Variants in NKAIN3 observed in about 807,000 individuals in gnomAD.
NKAIN3 encodes the protein sodium/potassium-transporting ATPase subunit beta-1-interacting protein 3.
A neutral mutation model predicts 30.2 loss-of-function variants in NKAIN3; 25 were observed. The ratio of observed to expected loss-of-function variants is 0.83; its 90% CI spans 0.60 to 1.16. The LOEUF (loss-of-function observed/expected upper bound fraction) is 1.16. Among genes scored for constraint, NKAIN3 ranks in the 50% most tolerant of loss-of-function variants. The pLI, the probability that NKAIN3 is intolerant of heterozygous loss-of-function variation, is 0.00. For missense variants in NKAIN3, 225 were observed against 254.1 expected, an observed-to-expected ratio of 0.89 and a Z score of 0.78; for synonymous variants, 91 against 89.6, an observed-to-expected ratio of 1.02 and a Z score of -0.09.
At chr8:62,883,457 GTT>G (rs71559381) in intron 4 of NKAIN3, among the ~76,000 whole-genome samples, 5 of 70,232 alleles carry the variant, frequency 7.1e-5, no homozygotes, top group Admixed American at 1.9e-4. Flanking sequence ...AGTTTTATGG[GTT>G]TTTTTTTTTT....
intron 5 of NKAIN3, among the ~76,000 whole-genome samples, chr8:62,940,386 T>C (rs1822918509): frequency 6.6e-6 from 1 of 151,954 alleles, no homozygotes; most frequent in African/African-American, 2.4e-5. Context: ...AAAGAAACAA[T>C]GAACTTAAAC....
intron 3 of NKAIN3, among the ~76,000 whole-genome samples, chr8:62,710,924 G>C (rs1037824360): frequency 1.3e-5 from 2 of 152,118 alleles, no homozygotes; most frequent in Admixed American, 6.5e-5. Context: ...TCTTGTAGTG[G>C]TGGCTTGGTA....
intron 6 of NKAIN3, among the ~76,000 whole-genome samples, chr8:62,962,684 G>T (rs1009581289): frequency 1.3e-5 from 2 of 152,104 alleles, no homozygotes; most frequent in African/African-American, 4.8e-5. Flanking sequence ...GGCAAGTGTC[G>T]ACTGGTTAAG....
chr8:62,448,370 C>T (rs1805546339), intron 1 of NKAIN3, among the ~76,000 whole-genome samples: 1 of 150,460 alleles, frequency 6.6e-6, no homozygotes, highest in African/African-American at 2.4e-5. Flanking sequence ...TTTTAGATTT[C>T]AGATATGTAG....
intron 3 of NKAIN3, among the ~76,000 whole-genome samples, chr8:62,691,053 A>T (rs1374544645): frequency 6.6e-6 from 1 of 152,168 alleles, no homozygotes; most frequent in Non-Finnish European, 1.5e-5. Flanking sequence ...CACGGGATCA[A>T]GTTGTCCGAC....
intron 1 of NKAIN3, among the ~76,000 whole-genome samples, chr8:62,450,879 A>G (rs1192521895): frequency 1.3e-5 from 2 of 152,178 alleles, no homozygotes; most frequent in East Asian, 3.9e-4. Context: ...AACACACTTC[A>G]CTATAAGCTT....
rs182980717 is a variant in NKAIN3, at chr8:62,649,420, T to A, written c.273+59626T>A. ...GGCCAATGGGACTTCATGCCAGGGA[T>A]TGTGCTGGAACAATTGGTAAAGAAC... is the stretch of plus-strand genomic sequence containing the variant. On this transcript the variant is annotated intron_variant, in intron 3 of 6. Coordinates refer to ENST00000623646, the MANE Select transcript of NKAIN3 (RefSeq NM_001304533.3). 7.5e-3 allele frequency among the ~76,000 whole-genome samples: 1,148 copies of A among 152,272 alleles called. 23 individuals carry two copies. Among genetic ancestry groups the A allele is most frequent in the African/African-American group, 0.026 (1,101 of 41,560 alleles).
intron 1 of NKAIN3, among the ~76,000 whole-genome samples, chr8:62,570,188 T>C (rs763954700): frequency 3.3e-5 from 5 of 152,182 alleles, no homozygotes; most frequent in Non-Finnish European, 5.9e-5. Flanking sequence ...CCTTCTTTCT[T>C]AGCTCTTCTT....
intron 3 of NKAIN3, among the ~76,000 whole-genome samples, chr8:62,652,999 T>G (rs1399307121): frequency 6.6e-6 from 1 of 152,146 alleles, no homozygotes; most frequent in Non-Finnish European, 1.5e-5. Flanking sequence ...TTGGGCACAT[T>G]GAACCAAATT....
intron 4 of NKAIN3, among the ~76,000 whole-genome samples, chr8:62,832,809 T>C (rs572294223): frequency 5.3e-5 from 8 of 152,134 alleles, no homozygotes; most frequent in African/African-American, 1.7e-4. Flanking sequence ...GCAAAGATAT[T>C]CTGGACTTAA....
chr8:62,883,062 T>A (rs1368312668), intron 4 of NKAIN3, among the ~76,000 whole-genome samples: 2 of 152,228 alleles, frequency 1.3e-5, no homozygotes, highest in African/African-American at 4.8e-5. Flanking sequence ...GCTCTCCATA[T>A]AAACTGTAGA....
intron 5 of NKAIN3, among the ~76,000 whole-genome samples, chr8:62,997,463 G>A (rs147714710): frequency 2.0e-5 from 3 of 152,184 alleles, no homozygotes; most frequent in Admixed American, 6.6e-5. Flanking sequence ...AATACACAAG[G>A]CACTTAAATA....
intron 4 of NKAIN3, chr8:62,856,814 C>T (rs768045915): frequency 3.2e-5 from 20 of 619,516 alleles, no homozygotes; most frequent in Non-Finnish European, 5.7e-5. Context: ...TTGTCTTTCT[C>T]TGCACTATAG....
At chr8:62,756,850 T>C (rs1404014516) in intron 4 of NKAIN3, among the ~76,000 whole-genome samples, 1 of 152,188 alleles carries the variant, frequency 6.6e-6, no homozygotes, top group African/African-American at 2.4e-5. Context: ...TTTTATGCCA[T>C]CGCTAAACAA....
chr8:62,374,113 CAAAAAAA>C (rs66521184), intron 1 of NKAIN3, among the ~76,000 whole-genome samples: 8 of 64,330 alleles, frequency 1.2e-4, no homozygotes, highest in Non-Finnish European at 2.1e-4. Flanking sequence ...ACTCCATCTC[CAAAAAAA>C]AAAAAAAAAA....
chr8:62,748,708 T>C (rs1485538310), intron 4 of NKAIN3, among the ~76,000 whole-genome samples: 1 of 152,242 alleles, frequency 6.6e-6, no homozygotes, highest in Non-Finnish European at 1.5e-5. Context: ...CAAAGATCTT[T>C]TAGAGTTCTA....
chr8:62,277,048 G>A (rs1408667120), intron 1 of NKAIN3, among the ~76,000 whole-genome samples: 2 of 151,874 alleles, frequency 1.3e-5, no homozygotes, highest in African/African-American at 2.4e-5. Context: ...AAATTTTATT[G>A]ATCACTGGGT....
At chr8:62,618,971 G>A (rs1811544265) in intron 3 of NKAIN3, among the ~76,000 whole-genome samples, 1 of 152,074 alleles carries the variant, frequency 6.6e-6, no homozygotes, top group Non-Finnish European at 1.5e-5. Context: ...AAGAGAAAGA[G>A]AAGAGATACC....
chr8:62,325,080 A>G (rs1252600733), intron 1 of NKAIN3, among the ~76,000 whole-genome samples: 1 of 152,000 alleles, frequency 6.6e-6, no homozygotes, highest in African/African-American at 2.4e-5. Context: ...TGCACCTGTC[A>G]CCCAAACCAT....
Sources: gnomAD v4.1 joint callset for allele counts (sites outside exome capture counted in the v4.1 genomes callset) on GRCh38, gnomAD v4.1.1 for gene constraint, MANE v1.5 for transcripts, NCBI Gene and HGNC (gene_info 2026-07-23, HGNC 2026-07-21) for gene names.